CCDC191: variants seen among roughly 807,000 people sequenced by gnomAD.
CCDC191 encodes coiled-coil domain-containing protein 191.
CCDC191 carries 99 observed loss-of-function variants against 114.0 expected under a neutral mutation model. The observed-to-expected ratio is 0.87, with a 90% confidence interval of 0.74 to 1.03. The LOEUF is 1.03. Among genes scored for constraint, CCDC191 ranks in the 50% least tolerant of loss-of-function variants. CCDC191 has a pLI of 0.00. For missense variants in CCDC191, 973 were observed against 1,087.0 expected, an observed-to-expected ratio of 0.90 and a Z score of 1.47; for synonymous variants, 351 against 376.0, an observed-to-expected ratio of 0.93 and a Z score of 0.77.
chr3:114,056,474 G>C lies in CCDC191; in HGVS notation c.-8C>G. On this transcript the variant is annotated 5_prime_UTR_variant, in exon 1 of 17. Transcript: ENST00000295878. ...CTGAGGCGCCAGGAGCATTTTCCAA[G>C]TTCGAGCCCGAACCTCGGCCAAAGC... The C allele has an allele frequency of 6.2e-7, 1 of 1,614,074 alleles. No homozygotes were observed. Among genetic ancestry groups the C allele is most frequent in the Non-Finnish European group, 8.5e-7 (1 of 1,180,024 alleles).
chr3:114,043,992 T>C (rs756672799), intron 3 of CCDC191, among the ~76,000 whole-genome samples: 5 of 151,916 alleles, frequency 3.3e-5, no homozygotes, highest in Admixed American at 6.6e-5. Flanking sequence ...GGAGGAAGAT[T>C]AGGAGTTCGG....
chr3:113,965,472 A>T (rs1023864871), intron 16 of CCDC191, 113 bp from the exon 17 acceptor site: 2 of 552,802 alleles, frequency 3.6e-6, no homozygotes, highest in Non-Finnish European at 6.1e-6. Flanking sequence ...ATGCTGTATA[A>T]AAGGTGTGGA....
chr3:113,982,213 G>A (rs980899462), intron 13 of CCDC191, among the ~76,000 whole-genome samples: 4 of 152,072 alleles, frequency 2.6e-5, no homozygotes, highest in African/African-American at 7.2e-5. Context: ...GCTGAATTGT[G>A]GGGAAAACCA....
chr3:113,997,290 A>G (rs1400252028), intron 13 of CCDC191, among the ~76,000 whole-genome samples: 7 of 152,182 alleles, frequency 4.6e-5, no homozygotes, highest in African/African-American at 1.4e-4. Context: ...GTATGAACTC[A>G]TATTTAGGTA....
At position 114,056,440 on chromosome 3, in the gene CCDC191, G is replaced by C. The variant is rs543702207; in HGVS notation, c.27C>G (p.Ser9=). Residue 9 remains serine, a synonymous_variant, in exon 1 of 17, where the codon TCC becomes TCG. Transcript: ENST00000295878. MLLAPQGR[S]FSKKRMGLNR... is the part of the protein sequence containing the mutation. ...TCAGCCCCATCCTTTTCTTTGAGAAGGACCTTCCCTGAGGCGCCAGGAGCA... is the reference window on the plus strand; with the variant it reads ...TCAGCCCCATCCTTTTCTTTGAGAACGACCTTCCCTGAGGCGCCAGGAGCA... 1.2e-6 allele frequency: 2 copies of C among 1,614,160 alleles called. No homozygotes were observed. The highest frequency in any genetic ancestry group is 1.7e-6 in the Non-Finnish European group (2 of 1,180,018).
Position 114,018,715 on chromosome 3 carries a change from T to C in CCDC191, c.1126A>G (p.Thr376Ala). 1.2e-6 allele frequency: 2 copies of C among 1,612,210 alleles called. No individual in the cohort carries two copies. Among genetic ancestry groups the C allele is most frequent in the South Asian group, 2.2e-5 (2 of 90,748 alleles). The change falls in exon 8 of 17, where the codon ACT (threonine) becomes GCT (alanine). Residue 376 changes from threonine (T) to alanine (A), a missense_variant. Transcript: ENST00000295878. ...CTAAGATCATTTTCCAAGGCTTGAGTCTCCCGCTCCAACTTCTGGAATCTT... is the reference window on the plus strand; with the variant it reads ...CTAAGATCATTTTCCAAGGCTTGAGCCTCCCGCTCCAACTTCTGGAATCTT... ...YTRFQKLERE[T>A]QALENDLREE...
intron 11 of CCDC191, chr3:114,003,699 C>A (rs372609237): frequency 3.0e-6 from 3 of 985,422 alleles, no homozygotes; most frequent in Non-Finnish European, 1.2e-6. Context: ...GCATAAATTG[C>A]TGTCCTGGCA....
intron 15 of CCDC191, 191 bp downstream of exon 15, chr3:113,978,667 G>A (rs2107604164): frequency 1.5e-6 from 1 of 658,474 alleles, no homozygotes; most frequent in East Asian, 2.7e-5. Context: ...AACAAACACA[G>A]GCTTAGGATT....
Position 113,988,134 on chromosome 3 carries a change from G to A in CCDC191, c.2164-7341C>T, listed in dbSNP as rs1209079129. The stretch of plus-strand genomic sequence containing the variant: ...AAGATGCTTAATTAAAACCAGATAA[G>A]GTAGGGAAAAAAGAAAAACAAAGAA... On this transcript the variant is annotated intron_variant, in intron 13 of 16. Coordinates refer to ENST00000295878, the MANE Select transcript of CCDC191 (RefSeq NM_020817.2). 1.1e-4 allele frequency among the ~76,000 whole-genome samples: 16 copies of A among 151,450 alleles called. 1 individual carries two copies. Among genetic ancestry groups the A allele is most frequent in the Admixed American group, 1.1e-3 (16 of 15,202 alleles).
chr3:113,981,753 C>T (rs1223608728), intron 13 of CCDC191, among the ~76,000 whole-genome samples: 1 of 152,136 alleles, frequency 6.6e-6, no homozygotes, highest in East Asian at 1.9e-4. Flanking sequence ...TGGAACATTT[C>T]TAATATGGAA....
intron 6 of CCDC191, among the ~76,000 whole-genome samples, chr3:114,032,877 A>G (rs2076426967): frequency 1.3e-5 from 2 of 152,194 alleles, no homozygotes; most frequent in African/African-American, 4.8e-5. Context: ...CCTATCAACA[A>G]TAAAAATGTT....
chr3:113,999,784 T>A (rs2075816975), intron 13 of CCDC191, among the ~76,000 whole-genome samples: 2 of 152,364 alleles, frequency 1.3e-5, no homozygotes, highest in Non-Finnish European at 2.9e-5. Context: ...TTTCCTCTTA[T>A]TCTTTTATAC....
intron 7 of CCDC191, among the ~76,000 whole-genome samples, chr3:114,025,259 CA>C (rs111848172): frequency 0.028 from 2,942 of 104,666 alleles, 43 homozygotes; most frequent in Non-Finnish European, 0.04. Context: ...TTCAACTTAC[CA>C]AAAAAAAAAA....
intron 13 of CCDC191, among the ~76,000 whole-genome samples, chr3:114,000,071 T>C (rs2107653750): frequency 6.6e-6 from 1 of 152,312 alleles, no homozygotes; most frequent in South Asian, 2.1e-4. Context: ...GGGGTGGACT[T>C]GTGATGGCTA....
At chr3:113,996,067 TG>T (rs2075713446) in intron 13 of CCDC191, among the ~76,000 whole-genome samples, 1 of 152,198 alleles carries the variant, frequency 6.6e-6, no homozygotes, top group South Asian at 2.1e-4. Context: ...TCTCCCTTTC[TG>T]TAGGTTCCTA....
At chr3:113,984,993 G>A (rs1362308928) in intron 13 of CCDC191, among the ~76,000 whole-genome samples, 10 of 152,106 alleles carry the variant, frequency 6.6e-5, no homozygotes, top group South Asian at 2.1e-4. Flanking sequence ...TTTGTTTACC[G>A]GAGGCAGAAG....
intron 13 of CCDC191, among the ~76,000 whole-genome samples, chr3:113,987,840 G>C (rs983346488): frequency 5.3e-5 from 8 of 151,978 alleles, no homozygotes; most frequent in African/African-American, 1.9e-4. Context: ...TCAGGAATTT[G>C]AGACCAGCCT....
In CCDC191 at chr3:113,978,343, G is replaced by A; in HGVS notation, c.2461-12C>T. On this transcript the variant is annotated splice_polypyrimidine_tract_variant and intron_variant, in intron 15 of 16. Coordinates refer to ENST00000295878, the MANE Select transcript of CCDC191 (RefSeq NM_020817.2). ...AGATCAATCACGTACTGGGGATGAAGACAGAAATAAAAGTGAGACAAAAAA... is the reference window on the plus strand; with the variant it reads ...AGATCAATCACGTACTGGGGATGAAAACAGAAATAAAAGTGAGACAAAAAA... 1 of 1,612,668 alleles carries A rather than the reference G, an allele frequency of 6.2e-7. No homozygotes were observed. Among genetic ancestry groups the A allele is most frequent in the Non-Finnish European group, 8.5e-7 (1 of 1,179,456 alleles).
At chr3:113,971,245 A>C (rs924908130) in intron 16 of CCDC191, among the ~76,000 whole-genome samples, 4 of 152,082 alleles carry the variant, frequency 2.6e-5, no homozygotes, top group African/African-American at 9.7e-5. Flanking sequence ...CTGACTTTTT[A>C]ATGATCGCCA....
Sources: gnomAD v4.1 joint callset for allele counts (sites outside exome capture counted in the v4.1 genomes callset) on GRCh38, gnomAD v4.1.1 for gene constraint, MANE v1.5 for transcripts, NCBI Gene and HGNC (gene_info 2026-07-23, HGNC 2026-07-21) for gene names.